Variants in SUPT3H observed in about 807,000 individuals in gnomAD.
SUPT3H encodes transcription initiation protein SPT3 homolog.
In SUPT3H, 44 loss-of-function variants were observed where a neutral mutation model predicts 44.3. The observed-to-expected ratio is 0.99, with a 90% CI of 0.78 to 1.28. SUPT3H has a LOEUF of 1.28. Ranked by LOEUF, SUPT3H falls within the 50% of genes most tolerant of loss-of-function variation. SUPT3H has a pLI of 0.00. For synonymous variants in SUPT3H, 124 were observed against 125.6 expected (o/e 0.99, Z 0.09); for missense variants, 380 against 387.1 (o/e 0.98, Z 0.15).
intron 2 of SUPT3H, among the ~76,000 whole-genome samples, chr6:45,275,020 T>C (rs1239544156): frequency 2.0e-5 from 3 of 152,210 alleles, no homozygotes; most frequent in Non-Finnish European, 4.4e-5. Flanking sequence ...CAACTTTGCA[T>C]TCCTGAGATA....
intron 3 of SUPT3H, among the ~76,000 whole-genome samples, chr6:45,091,562 G>C (rs1797122012): frequency 6.6e-6 from 1 of 151,948 alleles, no homozygotes; most frequent in African/African-American, 2.4e-5. Context: ...CTTATAAGCT[G>C]TGTGACTGTG....
chr6:45,283,840 AG>A (rs1272556367), intron 2 of SUPT3H, among the ~76,000 whole-genome samples: 1 of 152,210 alleles, frequency 6.6e-6, no homozygotes, highest in Non-Finnish European at 1.5e-5. Flanking sequence ...TTGGAAGTAA[AG>A]TACTCCTCAG....
At chr6:45,143,355 C>T (rs1486981055) in intron 2 of SUPT3H, among the ~76,000 whole-genome samples, 3 of 152,036 alleles carry the variant, frequency 2.0e-5, no homozygotes, top group Non-Finnish European at 4.4e-5. Flanking sequence ...ATCAAGTATC[C>T]TCTCAGACTA....
At chr6:44,931,440 A>G (rs914131893) in intron 10 of SUPT3H, among the ~76,000 whole-genome samples, 1 of 151,908 alleles carries the variant, frequency 6.6e-6, no homozygotes, top group East Asian at 1.9e-4. Flanking sequence ...TTTCTCATTC[A>G]TAATTTTTCA....
intron 2 of SUPT3H, among the ~76,000 whole-genome samples, chr6:45,258,266 A>G (rs1773745996): frequency 6.6e-6 from 1 of 152,214 alleles, no homozygotes; most frequent in Admixed American, 6.5e-5. Context: ...GAGCGTTGTC[A>G]GCAAACTGCA....
intron 2 of SUPT3H, among the ~76,000 whole-genome samples, chr6:45,264,143 T>C (rs1226507337): frequency 1.3e-5 from 2 of 152,096 alleles, no homozygotes; most frequent in Non-Finnish European, 2.9e-5. Context: ...GAAAAAGAAA[T>C]GAAAACACTT....
intron 3 of SUPT3H, among the ~76,000 whole-genome samples, chr6:45,051,632 G>A (rs1319541813): frequency 6.6e-6 from 1 of 152,076 alleles, no homozygotes; most frequent in Non-Finnish European, 1.5e-5. Context: ...TAAGCATGTT[G>A]TATTTATCTC....
chr6:44,883,572 C>T (rs563598904), intron 10 of SUPT3H, among the ~76,000 whole-genome samples: 9 of 152,282 alleles, frequency 5.9e-5, no homozygotes, highest in South Asian at 2.1e-4. Flanking sequence ...ATAGCTAAGA[C>T]AGTCCTAAGC....
chr6:45,034,490 A>G (rs1396267821), intron 3 of SUPT3H, among the ~76,000 whole-genome samples: 2 of 152,182 alleles, frequency 1.3e-5, no homozygotes, highest in African/African-American at 4.8e-5. Context: ...GCCATTTTCC[A>G]CTTAAAACAC....
chr6:45,272,360 G>A (rs1254427899), intron 2 of SUPT3H, among the ~76,000 whole-genome samples: 2 of 152,066 alleles, frequency 1.3e-5, no homozygotes, highest in African/African-American at 2.4e-5. Context: ...TTCCCATGCT[G>A]TTCTTGTGAT....
chr6:44,884,377 G>C (rs1277203826), intron 10 of SUPT3H, among the ~76,000 whole-genome samples: 21 of 152,196 alleles, frequency 1.4e-4, no homozygotes, highest in Admixed American at 1.4e-3. Flanking sequence ...AGGATGTGAA[G>C]AAATAGGAAC....
intron 5 of SUPT3H, among the ~76,000 whole-genome samples, chr6:45,006,468 C>T (rs551154748): frequency 6.6e-5 from 10 of 151,998 alleles, no homozygotes; most frequent in African/African-American, 2.2e-4. Flanking sequence ...ATTCTGTTAA[C>T]GTTTACCACC....
chr6:45,253,949 G>A (rs896835409), intron 2 of SUPT3H, among the ~76,000 whole-genome samples: 10 of 140,386 alleles, frequency 7.1e-5, no homozygotes, highest in African/African-American at 1.1e-4. Flanking sequence ...ATATACACAC[G>A]TACACATGCA....
intron 6 of SUPT3H, among the ~76,000 whole-genome samples, chr6:44,994,348 T>C (rs936737587): frequency 5.3e-5 from 8 of 152,144 alleles, no homozygotes; most frequent in African/African-American, 1.9e-4. Flanking sequence ...TTTTACCACG[T>C]TGTGTCTTAG....
chr6:45,206,022 G>A (rs554798621), intron 2 of SUPT3H, among the ~76,000 whole-genome samples: 18 of 152,236 alleles, frequency 1.2e-4, no homozygotes, highest in Middle Eastern at 3.4e-3. Flanking sequence ...ACACTTACTT[G>A]AAAATAAAAT....
chr6:45,283,639 A>G (rs1778622064), intron 2 of SUPT3H, among the ~76,000 whole-genome samples: 1 of 152,168 alleles, frequency 6.6e-6, no homozygotes, highest in Non-Finnish European at 1.5e-5. Flanking sequence ...TAATAATGGG[A>G]GACTTTAACA....
At chr6:44,926,608 A>G (rs1769557308) in intron 10 of SUPT3H, among the ~76,000 whole-genome samples, 1 of 152,190 alleles carries the variant, frequency 6.6e-6, no homozygotes, top group African/African-American at 2.4e-5. Context: ...AAAAATGTTC[A>G]ATATCATTAG....
At chr6:44,883,114 C>G (rs1338966980) in intron 10 of SUPT3H, among the ~76,000 whole-genome samples, 1 of 152,196 alleles carries the variant, frequency 6.6e-6, no homozygotes, top group Non-Finnish European at 1.5e-5. Flanking sequence ...TTGCAGGTGA[C>G]ATGATTGTAT....
chr6:45,302,544 TATATATATATATGC>T lies in SUPT3H; in HGVS notation c.101+62643_101+62656del, dbSNP rs1218892565. On this transcript the variant is annotated intron_variant, in intron 2 of 10. Coordinates refer to ENST00000371459, the MANE Select transcript of SUPT3H (RefSeq NM_003599.4). ...ATATATATATATATATATATATATA[TATATATATATATGC>T]ATGCCACAATTTATTTATCTACTTA... Among the ~76,000 whole-genome samples the T allele has an allele frequency of 4.8e-3, 452 of 94,472 alleles. 4 individuals are homozygous for T. The highest frequency in any genetic ancestry group is 8.7e-3 in the African/African-American group (255 of 29,184). The allele number at this position is 94,472 out of a possible 152,430, so 62.0% of individuals were successfully genotyped here. A position where few individuals can be genotyped will look rare whatever the true frequency, so the allele number is the denominator to read the frequency against.
Sources: gnomAD v4.1 joint callset for allele counts (sites outside exome capture counted in the v4.1 genomes callset) on GRCh38, gnomAD v4.1.1 for gene constraint, MANE v1.5 for transcripts, NCBI Gene and HGNC (gene_info 2026-07-23, HGNC 2026-07-21) for gene names.